Variants in SNX13 observed in about 807,000 individuals in gnomAD.
The protein encoded by SNX13 is sorting nexin 13.
In SNX13, 45 loss-of-function variants were observed where a neutral mutation model predicts 133.6. That is an observed-to-expected ratio of 0.34 (90% CI 0.27 to 0.43). The LOEUF is 0.43. Ranked by LOEUF, SNX13 falls within the 20% of genes least tolerant of loss-of-function variation. SNX13 has a pLI of 1.00. For synonymous variants in SNX13, 414 were observed against 373.9 expected, an observed-to-expected ratio of 1.11 and a Z score of -1.24; for missense variants, 1,032 against 1,145.1, an observed-to-expected ratio of 0.90 and a Z score of 1.43.
chr7:17,904,667 G>C (rs1798206457), intron 1 of SNX13, among the ~76,000 whole-genome samples: 2 of 152,104 alleles, frequency 1.3e-5, no homozygotes, highest in African/African-American at 4.8e-5. Context: ...ACATTATATG[G>C]CTTAAGGCTG....
intron 12 of SNX13, among the ~76,000 whole-genome samples, chr7:17,842,723 C>T (rs1292850150): frequency 1.8e-4 from 27 of 151,880 alleles, no homozygotes; most frequent in Non-Finnish European, 1.5e-5. Context: ...AAAAGTAACT[C>T]ATTTAAAAGA....
At chr7:17,862,923 G>A (rs534886844) in intron 9 of SNX13, among the ~76,000 whole-genome samples, 1 of 152,240 alleles carries the variant, frequency 6.6e-6, no homozygotes, top group South Asian at 2.1e-4. Flanking sequence ...ATAATATCAA[G>A]GAAAGTGGCA....
At chr7:17,879,797 C>T (rs1248573768) in intron 5 of SNX13, 1 of 152,178 alleles carries the variant, frequency 6.6e-6, no homozygotes, top group Non-Finnish European at 1.5e-5. Context: ...TAACAAAAGA[C>T]TCCCCCAAAT....
chr7:17,803,573 G>A lies in SNX13; in HGVS notation c.2072C>T (p.Thr691Ile), dbSNP rs1263691080. Residue 691 changes from threonine (T) to isoleucine (I), a missense_variant, in exon 21 of 26, where the codon ACT (threonine) becomes ATT (isoleucine). By Grantham distance (89) the Thr-to-Ile change is moderately conservative (BLOSUM62 -1). Coordinates refer to ENST00000428135, the MANE Select transcript of SNX13 (RefSeq NM_015132.5). ...GKGDFARKMDTFVNPLRNSMR... is the reference protein window; with the variant it reads ...GKGDFARKMDIFVNPLRNSMR... ...TGAATTGCGAAGTGGATTTACAAAA[G>A]TGTCCATCTAAAGGGAAAAAAGATA... The A allele has an allele frequency of 1.9e-6, 3 of 1,607,208 alleles. No homozygotes were observed. The highest frequency in any genetic ancestry group is 2.5e-6 in the Non-Finnish European group (3 of 1,176,936).
chr7:17,829,704 A>G (rs1348156835), intron 16 of SNX13, among the ~76,000 whole-genome samples: 3 of 151,378 alleles, frequency 2.0e-5, no homozygotes, highest in African/African-American at 4.8e-5. Context: ...AATCATAGTA[A>G]TTTAAACATG....
At position 17,904,832 on chromosome 7, in the gene SNX13, A is replaced by T. The variant is rs144755383; in HGVS notation, c.13-7386T>A. Among the ~76,000 whole-genome samples, 182 of 152,310 alleles carry T rather than the reference A, an allele frequency of 1.2e-3. 1 individual carries two copies. Among genetic ancestry groups the T allele is most frequent in the African/African-American group, 4.1e-3 (171 of 41,554 alleles). ...TTTCCTCCCACGTTATTCTATGTAC[A>T]ATAAGTTGAACGTTCTTCTCCAGGT... is the stretch of plus-strand genomic sequence containing the variant. On this transcript the variant is annotated intron_variant, in intron 1 of 25. Coordinates refer to ENST00000428135, the MANE Select transcript of SNX13 (RefSeq NM_015132.5).
intron 5 of SNX13, among the ~76,000 whole-genome samples, chr7:17,884,137 A>G (rs2128368373): frequency 6.6e-6 from 1 of 152,326 alleles, no homozygotes; most frequent in East Asian, 1.9e-4. Context: ...TATAGAAAAT[A>G]GAATCACAAC....
intron 18 of SNX13, among the ~76,000 whole-genome samples, chr7:17,819,958 C>T (rs1787102973): frequency 6.6e-6 from 1 of 152,018 alleles, no homozygotes; most frequent in South Asian, 2.1e-4. Context: ...GTCCATTTCA[C>T]TCACGTGAGC....
At chr7:17,852,247 G>A (rs1791308215) in intron 9 of SNX13, among the ~76,000 whole-genome samples, 1 of 152,144 alleles carries the variant, frequency 6.6e-6, no homozygotes, top group Non-Finnish European at 1.5e-5. Flanking sequence ...GGTGGCAGGT[G>A]CCTGTAATCC....
intron 5 of SNX13, chr7:17,880,792 C>CA (rs1795245590): frequency 6.6e-6 from 1 of 152,102 alleles, no homozygotes; most frequent in South Asian, 2.1e-4. Flanking sequence ...ACCACACACA[C>CA]AAAGACTATA....
rs1219325582 is a variant in SNX13 at position 17,834,814 on chromosome 7, T to C, written c.1411A>G (p.Thr471Ala). ...GGGGTTGGATCTTCATGATTCAAAG[T>C]ATCTGCTAATTTTGCTACTAAATAG... ...DDYLVAKLAD[T>A]LNHEDPTPEI... Residue 471 changes from threonine (T) to alanine (A), a missense_variant, in exon 14 of 26, where the codon ACT becomes GCT. Transcript: ENST00000428135. The C allele has an allele frequency of 1.2e-6, 2 of 1,610,364 alleles. No homozygotes were observed. Among genetic ancestry groups the C allele is most frequent in the South Asian group, 1.1e-5 (1 of 90,924 alleles).
rs1453150528 is a variant in SNX13, at chr7:17,794,006, T to C, written c.*39A>G. ...CCAGAAGATCTGTCCATACCATTAG[T>C]CCTGGACAAAATGAACACCAGCTTC... On this transcript the variant is annotated 3_prime_UTR_variant, in exon 26 of 26. Transcript: ENST00000428135. 1 of 1,601,568 alleles carries C rather than the reference T, an allele frequency of 6.2e-7. No individual in the cohort carries two copies. The highest frequency in any genetic ancestry group is 8.5e-7 in the Non-Finnish European group (1 of 1,172,960).
rs571743370 is a variant in SNX13 at position 17,847,670 on chromosome 7, T to G, written c.1066-1976A>C. Among the ~76,000 whole-genome samples, 8 of 152,336 alleles carry G rather than the reference T, an allele frequency of 5.3e-5. No homozygotes were observed. The South Asian group carries it at 1.0e-3, about 20-fold the overall frequency. On this transcript the variant is annotated intron_variant, in intron 11 of 25. Coordinates refer to ENST00000428135, the MANE Select transcript of SNX13 (RefSeq NM_015132.5). ...TTAAAGCCCCAAATCTCTGCTCTCC[T>G]TTAGGGCAAAACTTCTCTAAAGAGC...
At chr7:17,935,866 T>C (rs751591390) in intron 1 of SNX13, among the ~76,000 whole-genome samples, 1 of 152,318 alleles carries the variant, frequency 6.6e-6, no homozygotes, top group East Asian at 1.9e-4. Flanking sequence ...AAATAGCTTA[T>C]ATAGCTTAAA....
At chr7:17,832,511 A>C in intron 15 of SNX13, 1 of 979,412 alleles carries the variant, frequency 1.0e-6, no homozygotes, top group Non-Finnish European at 1.2e-6. Context: ...TTTCTAAAAT[A>C]GATAAAATTA....
At chr7:17,865,188 C>CA (rs1294004809) in intron 9 of SNX13, among the ~76,000 whole-genome samples, 1 of 152,130 alleles carries the variant, frequency 6.6e-6, no homozygotes, top group Non-Finnish European at 1.5e-5. Context: ...ACTAAGTACA[C>CA]AGACAACTAC....
At chr7:17,883,609 T>C (rs957694770) in intron 5 of SNX13, among the ~76,000 whole-genome samples, 13 of 152,320 alleles carry the variant, frequency 8.5e-5, no homozygotes, top group African/African-American at 2.9e-4. Context: ...ATGTGCTGAA[T>C]GTGCACGTTT....
At chr7:17,820,602 T>A (rs1175971860) in intron 18 of SNX13, among the ~76,000 whole-genome samples, 1 of 152,152 alleles carries the variant, frequency 6.6e-6, no homozygotes, top group East Asian at 1.9e-4. Context: ...ATTAATAGTT[T>A]ATCTCACTCT....
chr7:17,796,042 C>T (rs1784019408), intron 25 of SNX13: 1 of 151,600 alleles, frequency 6.6e-6, no homozygotes, highest in African/African-American at 2.4e-5. Flanking sequence ...TATGTCTGTT[C>T]ATTCTCTACA....
Sources: allele counts gnomAD v4.1 joint callset (sites outside exome capture counted in the v4.1 genomes callset), GRCh38; gene constraint gnomAD v4.1.1; transcripts MANE v1.5; gene names NCBI Gene and HGNC (gene_info 2026-07-23, HGNC 2026-07-21).